The following ZC3H12B variants were observed in gnomAD, a reference collection of about 807,000 sequenced individuals.
ZC3H12B encodes the protein probable ribonuclease ZC3H12B.
In ZC3H12B, 7 loss-of-function variants were observed where a neutral mutation model predicts 43.9. That is an observed-to-expected ratio of 0.16 (90% CI 0.09 to 0.30). ZC3H12B has a LOEUF of 0.30. ZC3H12B is among the 10% of genes least tolerant of loss of function. The pLI is 1.00. For missense variants in ZC3H12B, 475 were observed against 670.2 expected (o/e 0.71, Z 3.22); for synonymous variants, 222 against 241.7 (o/e 0.92, Z 0.76).
rs191896720 is a variant in ZC3H12B at position 65,367,388 on chromosome X, A to G, written n.125+626A>G. ...GTTGGACAGTAACCCTCAGATCCCT[A>G]CAATATCAACTCTAGAAAAGCACCT... On this transcript the variant is annotated intron_variant and non_coding_transcript_variant, in intron 1 of 5. Transcript: ENST00000617377. 2.9e-3 allele frequency among the ~76,000 whole-genome samples: 326 copies of G among 111,413 alleles called. 1 individual carries two copies. The highest frequency in any genetic ancestry group is 5.2e-3 in the Non-Finnish European group (276 of 53,024).
chrX:65,113,985 G>GTGTATA, the ZC3H12B span, among the ~76,000 whole-genome samples: 24 of 47,473 alleles, frequency 5.1e-4, no homozygotes, highest in African/African-American at 1.2e-3. Context: ...AGATATGCTT[G>GTGTATA]TATATATATA....
At chrX:65,289,670 GAATC>G in the ZC3H12B span, among the ~76,000 whole-genome samples, 1 of 110,125 alleles carries the variant, frequency 9.1e-6, no homozygotes, top group Middle Eastern at 4.8e-3. Context: ...ACAGAATAGA[GAATC>G]AAGAAATAAA....
the ZC3H12B span, among the ~76,000 whole-genome samples, chrX:65,303,378 A>G: frequency 8.9e-6 from 1 of 112,118 alleles, no homozygotes. Flanking sequence ...TTTTTAAAAT[A>G]ATATAGTTTA....
At chrX:65,204,717 T>C in the ZC3H12B span, among the ~76,000 whole-genome samples, 1 of 112,145 alleles carries the variant, frequency 8.9e-6, no homozygotes, top group African/African-American at 3.2e-5. Flanking sequence ...TAGCTCGATT[T>C]CTAAACTGAA....
intron 3 of ZC3H12B, among the ~76,000 whole-genome samples, chrX:65,462,765 G>T (rs905344529): frequency 9.0e-6 from 1 of 111,171 alleles, no homozygotes; most frequent in Non-Finnish European, 1.9e-5. Flanking sequence ...CCCATTACTG[G>T]GTATATATCC....
chrX:65,201,718 G>A, the ZC3H12B span, among the ~76,000 whole-genome samples: 9 of 102,533 alleles, frequency 8.8e-5, no homozygotes, highest in South Asian at 2.8e-3. Context: ...GTTTGTTAAG[G>A]TCCTTGATAT....
chrX:65,321,141 G>A, the ZC3H12B span, among the ~76,000 whole-genome samples: 13 of 111,375 alleles, frequency 1.2e-4, no homozygotes, highest in Non-Finnish European at 1.7e-4. Context: ...TGCATGTTAT[G>A]CATCTGACAG....
chrX:65,049,874 A>T, the ZC3H12B span, among the ~76,000 whole-genome samples: 1 of 111,180 alleles, frequency 9.0e-6, no homozygotes, highest in Admixed American at 9.5e-5. Flanking sequence ...TGTAGATGTA[A>T]ACTTAGGTTG....
chrX:65,050,779 G>A, the ZC3H12B span, among the ~76,000 whole-genome samples: 3 of 111,394 alleles, frequency 2.7e-5, no homozygotes, highest in African/African-American at 9.8e-5. Context: ...ATCTCACTTG[G>A]CCATGATTTA....
chrX:65,325,504 T>A, the ZC3H12B span, among the ~76,000 whole-genome samples: 1 of 110,456 alleles, frequency 9.1e-6, no homozygotes. Flanking sequence ...CAATAACTAT[T>A]CCAAAAAATA....
At chrX:65,266,973 A>G in the ZC3H12B span, among the ~76,000 whole-genome samples, 1 of 110,562 alleles carries the variant, frequency 9.0e-6, no homozygotes, top group East Asian at 2.8e-4. Flanking sequence ...AGGACGTTTT[A>G]AAGCTCCCTG....
chrX:65,151,623 G>T, the ZC3H12B span, among the ~76,000 whole-genome samples: 27 of 111,471 alleles, frequency 2.4e-4, no homozygotes, highest in Non-Finnish European at 4.5e-4. Context: ...TAACTTTGTG[G>T]TTTTTTTCTT....
intron 3 of ZC3H12B, among the ~76,000 whole-genome samples, chrX:65,481,820 G>T (rs1406120572): frequency 1.8e-5 from 2 of 111,868 alleles, no homozygotes; most frequent in East Asian, 5.6e-4. Flanking sequence ...CAGCATGTTA[G>T]TTGAAATAAT....
the ZC3H12B span, among the ~76,000 whole-genome samples, chrX:65,304,615 CAA>C: frequency 1.0e-4 from 7 of 69,747 alleles, no homozygotes; most frequent in Admixed American, 3.5e-4. Context: ...CACTCCGTCT[CAA>C]AAAAAAAAAA....
At chrX:65,241,891 C>T in the ZC3H12B span, among the ~76,000 whole-genome samples, 1 of 111,427 alleles carries the variant, frequency 9.0e-6, no homozygotes, top group East Asian at 2.8e-4. Context: ...GCTGGCATTC[C>T]TGAAGCTAGA....
the ZC3H12B span, among the ~76,000 whole-genome samples, chrX:65,087,577 A>G: frequency 9.0e-6 from 1 of 111,670 alleles, no homozygotes; most frequent in African/African-American, 3.3e-5. Flanking sequence ...GCACAATCAG[A>G]GAATTTTAGG....
chrX:65,140,498 A>G, the ZC3H12B span, among the ~76,000 whole-genome samples: 1 of 111,894 alleles, frequency 8.9e-6, no homozygotes, highest in Non-Finnish European at 1.9e-5. Flanking sequence ...TCATTTTGCT[A>G]GTATTTCATG....
the ZC3H12B span, among the ~76,000 whole-genome samples, chrX:65,231,890 G>A: frequency 1.2e-4 from 13 of 111,414 alleles, 1 homozygote; most frequent in African/African-American, 2.0e-4. Flanking sequence ...TCACAGGGTC[G>A]TAAGGTGACA....
At chrX:65,437,204 G>A (rs776407966) in intron 3 of ZC3H12B, among the ~76,000 whole-genome samples, 9 of 110,686 alleles carry the variant, frequency 8.1e-5, no homozygotes, top group African/African-American at 9.9e-5. Context: ...CACCGGCCTC[G>A]GCCTCCCAAA....
Sources: allele counts gnomAD v4.1 joint callset (sites outside exome capture counted in the v4.1 genomes callset), GRCh38; gene constraint gnomAD v4.1.1; transcripts MANE v1.5; gene names NCBI Gene and HGNC (gene_info 2026-07-23, HGNC 2026-07-21).